The following CGGBP1 variants were observed in gnomAD, a reference collection of about 807,000 sequenced individuals.
CGGBP1 encodes CGG triplet repeat binding protein 1.
In CGGBP1, 4 loss-of-function variants were observed where a neutral mutation model predicts 11.4. The observed-to-expected ratio is 0.35, with a 90% CI of 0.17 to 0.80. The LOEUF (loss-of-function observed/expected upper bound fraction) is 0.80. CGGBP1 is among the 30% of genes least tolerant of loss of function. The pLI, the probability that CGGBP1 is intolerant of heterozygous loss-of-function variation, is 0.52. For synonymous variants in CGGBP1, 76 were observed against 74.1 expected (o/e 1.03, Z -0.13); for missense variants, 135 against 202.1 (o/e 0.67, Z 2.01).
At chr3:88,121,946 A>G (rs976222956) in intron 2 of CGGBP1, among the ~76,000 whole-genome samples, 1 of 152,168 alleles carries the variant, frequency 6.6e-6, no homozygotes, top group Non-Finnish European at 1.5e-5. Context: ...AAAGTTACTT[A>G]TTATTGAGAA....
intron 1 of CGGBP1, among the ~76,000 whole-genome samples, chr3:88,148,477 G>A (rs1707348609): frequency 1.3e-5 from 2 of 152,170 alleles, no homozygotes; most frequent in Admixed American, 1.3e-4. Context: ...TCATGTCGCT[G>A]AACCTTCAAT....
intron 2 of CGGBP1, among the ~76,000 whole-genome samples, chr3:88,115,067 A>G (rs114642033): frequency 5.8e-4 from 89 of 152,318 alleles, no homozygotes; most frequent in African/African-American, 1.9e-3. Context: ...CTCGTCTCCC[A>G]TAAGTAGGAC....
At chr3:88,060,443 C>G (rs1463011411), upstream of CGGBP1, among the ~76,000 whole-genome samples, 2 of 152,146 alleles carry the variant, frequency 1.3e-5, no homozygotes, top group African/African-American at 4.8e-5. Flanking sequence ...ACGGTTTGTT[C>G]CCATTCACAA....
At chr3:88,076,567 C>CTGTTTTGTTT (rs373817082) in intron 2 of CGGBP1, among the ~76,000 whole-genome samples, 1 of 152,018 alleles carries the variant, frequency 6.6e-6, no homozygotes, top group African/African-American at 2.4e-5. Context: ...AGTGCATCAT[C>CTGTTTTGTTT]TGTTTTGTTT....
rs191542628 is a variant in CGGBP1 at position 88,065,128 on chromosome 3, T to C, written c.-228-6905A>G. 4.3e-4 allele frequency among the ~76,000 whole-genome samples: 65 copies of C among 152,354 alleles called. No homozygotes were observed. The East Asian group carries it at 0.012, about 28-fold the overall frequency. The stretch of plus-strand genomic sequence containing the variant: ...ATGAAAATTTTAGCTTTTTAAAAAG[T>C]TTTCAAATTTTGGCACATTTGGGAT... On this transcript the variant is annotated intron_variant, in intron 2 of 3. Transcript: ENST00000462901.
At chr3:88,067,947 C>A (rs1490133422) in intron 2 of CGGBP1, among the ~76,000 whole-genome samples, 3 of 150,984 alleles carry the variant, frequency 2.0e-5, no homozygotes, top group African/African-American at 7.3e-5. Flanking sequence ...TGAGAATGAT[C>A]CATTTGAAAG....
chr3:88,074,080 C>G (rs1707664640), intron 2 of CGGBP1, among the ~76,000 whole-genome samples: 1 of 152,100 alleles, frequency 6.6e-6, no homozygotes, highest in Non-Finnish European at 1.5e-5. Flanking sequence ...AAATAAGAAT[C>G]TACCAGATTT....
rs1706520192 is a variant in CGGBP1, at chr3:88,055,472, G to C, written c.*1C>G. 1.3e-6 allele frequency: 2 copies of C among 1,514,658 alleles called. No homozygotes were observed. Among genetic ancestry groups the C allele is most frequent in the Non-Finnish European group, 1.8e-6 (2 of 1,131,084 alleles). 93.8% of individuals were successfully genotyped at this position (1,514,658 alleles called of 1,614,324 possible). A position where few individuals can be genotyped will look rare whatever the true frequency, so the allele number is the denominator to read the frequency against. On this transcript the variant is annotated 3_prime_UTR_variant, in exon 4 of 4. Transcript: ENST00000482016. The surrounding 1 kb of genome is among the most constrained non-coding windows in gnomAD (Gnocchi z 4.2). ...TGATCACAATGGTGGTAACCTCCTA[G>C]TCAACAATCTTGTGAGTTGAGGAGT...
chr3:88,124,795 A>G (rs1576328260), intron 2 of CGGBP1, among the ~76,000 whole-genome samples: 1 of 151,142 alleles, frequency 6.6e-6, no homozygotes, highest in South Asian at 2.1e-4. Context: ...CAACATTGCC[A>G]GTTTCTACAT....
intron 2 of CGGBP1, among the ~76,000 whole-genome samples, chr3:88,118,506 G>C (rs1486065939): frequency 1.3e-5 from 2 of 152,052 alleles, no homozygotes; most frequent in African/African-American, 2.4e-5. Flanking sequence ...AAACCTCCCA[G>C]ATTTTATTAT....
intron 2 of CGGBP1, among the ~76,000 whole-genome samples, chr3:88,067,151 T>G (rs1406046168): frequency 6.6e-6 from 1 of 152,172 alleles, no homozygotes; most frequent in African/African-American, 2.4e-5. Flanking sequence ...GGGGATACAG[T>G]GGTAAGCAAA....
upstream of CGGBP1, chr3:88,059,257 C>T (rs1339436869): frequency 9.1e-6 from 14 of 1,530,364 alleles, no homozygotes; most frequent in East Asian, 4.9e-5. Context: ...AGGAGGTTAG[C>T]CTAGGCATCT....
At chr3:88,060,410 A>T (rs1450283148), upstream of CGGBP1, among the ~76,000 whole-genome samples, 3 of 152,130 alleles carry the variant, frequency 2.0e-5, no homozygotes, top group Non-Finnish European at 1.5e-5. Context: ...CTGCATTCTC[A>T]TCTACCTGCA....
chr3:88,126,148 C>G, intron 2 of CGGBP1: 1 of 1,515,518 alleles, frequency 6.6e-7, no homozygotes, highest in South Asian at 1.2e-5. Context: ...GCCAGAATCA[C>G]CTCCGCAGAT....
At chr3:88,145,558 A>G (rs1707296454) in intron 1 of CGGBP1, among the ~76,000 whole-genome samples, 1 of 152,130 alleles carries the variant, frequency 6.6e-6, no homozygotes, top group Admixed American at 6.6e-5. Flanking sequence ...AAATTTGAAG[A>G]ATTCTGGGAA....
At chr3:88,127,147 G>T (rs1328214364) in intron 2 of CGGBP1, among the ~76,000 whole-genome samples, 1 of 152,144 alleles carries the variant, frequency 6.6e-6, no homozygotes, top group Admixed American at 6.6e-5. Flanking sequence ...ATGGAGTTTA[G>T]TTATGAGACA....
chr3:88,074,944 A>G (rs1266177086), intron 2 of CGGBP1, among the ~76,000 whole-genome samples: 1 of 152,096 alleles, frequency 6.6e-6, no homozygotes, highest in Non-Finnish European at 1.5e-5. Context: ...AAACTCATCA[A>G]GTGTTTAATT....
chr3:88,123,919 G>T (rs1705928118), intron 2 of CGGBP1, among the ~76,000 whole-genome samples: 1 of 152,160 alleles, frequency 6.6e-6, no homozygotes, highest in Non-Finnish European at 1.5e-5. Context: ...CTTACCTTGG[G>T]AGGTTTCAGT....
intron 2 of CGGBP1, among the ~76,000 whole-genome samples, chr3:88,104,014 G>A (rs749421769): frequency 3.3e-5 from 5 of 151,688 alleles, no homozygotes; most frequent in African/African-American, 4.8e-5. Flanking sequence ...CACCTGCCTC[G>A]GCCTCTGCTG....
Sources: gnomAD v4.1 joint callset for allele counts (sites outside exome capture counted in the v4.1 genomes callset) on GRCh38, gnomAD v4.1.1 for gene constraint, Gnocchi (gnomAD v3.1) non-coding constraint, MANE v1.5 for transcripts, NCBI Gene and HGNC (gene_info 2026-07-23, HGNC 2026-07-21) for gene names.